The following AFDN variants were observed in gnomAD, a reference collection of about 807,000 sequenced individuals.
AFDN encodes afadin, adherens junction formation factor.
Under a neutral mutation model 216.6 loss-of-function variants are expected in AFDN, and 68 were observed. The ratio of observed to expected loss-of-function variants is 0.31; its 90% CI spans 0.26 to 0.38. AFDN has a LOEUF of 0.38. Ranked by LOEUF, AFDN falls within the 10% of genes least tolerant of loss-of-function variation. The pLI, the probability that AFDN is intolerant of heterozygous loss-of-function variation, is 1.00. For synonymous variants in AFDN, 868 were observed against 853.7 expected (o/e 1.02, Z -0.29); for missense variants, 2,136 against 2,342.0 (o/e 0.91, Z 1.82).
At chr6:167,917,726 C>T (rs1791271481) in intron 20 of AFDN, among the ~76,000 whole-genome samples, 1 of 152,172 alleles carries the variant, frequency 6.6e-6, no homozygotes, top group African/African-American at 2.4e-5. Flanking sequence ...AAATATGAGT[C>T]ATGAGAATTA....
chr6:167,905,327 C>T (rs545829454), intron 12 of AFDN, among the ~76,000 whole-genome samples: 9 of 152,266 alleles, frequency 5.9e-5, no homozygotes, highest in Admixed American at 1.3e-4. Context: ...AAAATGCCTG[C>T]TGTGTAGAAG....
At chr6:167,857,115 A>G (rs1247989022) in intron 1 of AFDN, among the ~76,000 whole-genome samples, 2 of 152,128 alleles carry the variant, frequency 1.3e-5, no homozygotes. Context: ...AAGATGGAAG[A>G]GGAAAGTATC....
chr6:167,931,021 G>A (rs547259021), intron 23 of AFDN, among the ~76,000 whole-genome samples: 1 of 78,922 alleles, frequency 1.3e-5, no homozygotes, highest in South Asian at 5.6e-4. Flanking sequence ...TGGAGATGAC[G>A]AGATGGTTTG....
At chr6:167,925,206 C>A in intron 23 of AFDN, 115 bp downstream of exon 23, 1 of 734,138 alleles carries the variant, frequency 1.4e-6, no homozygotes, top group Non-Finnish European at 2.4e-6. Flanking sequence ...CGTGCCTGTT[C>A]AGTTCTGTTT....
Position 167,836,729 on chromosome 6 carries a change from T to C in AFDN, c.105+9492T>C, listed in dbSNP as rs561745209. Among the ~76,000 whole-genome samples the C allele has an allele frequency of 2.6e-5, 4 of 152,324 alleles. No homozygotes were observed. In the South Asian group the frequency reaches 8.3e-4, roughly 32 times the overall value. On this transcript the variant is annotated intron_variant, in intron 1 of 33. Coordinates refer to ENST00000683244, the MANE Select transcript of AFDN (RefSeq NM_001386888.1). ...CCAATTTAATTGTTATAGATAGCAT[T>C]ACTAAACTATTATGATGGTACACAA... is the stretch of plus-strand genomic sequence containing the variant.
chr6:167,885,180 C>T (rs192559639), intron 6 of AFDN, among the ~76,000 whole-genome samples: 129 of 152,264 alleles, frequency 8.5e-4, no homozygotes, highest in African/African-American at 3.1e-3. Context: ...CTGATTTGGT[C>T]ATCTATCCAG....
rs1166856931 is a variant in AFDN at position 167,864,631 on chromosome 6, C to T, written c.186C>T (p.Val62=). ...ACTTTGCAACAAAATGTATTCGGGTCTCTAGTACTGCCACCACTCAAGATG... is the reference window on the plus strand; with the variant it reads ...ACTTTGCAACAAAATGTATTCGGGTTTCTAGTACTGCCACCACTCAAGATG... ...AGNFATKCIR[V]SSTATTQDVI... Residue 62 remains valine (V), a synonymous_variant, in exon 2 of 34, where the codon GTC becomes GTT. Coordinates refer to ENST00000683244, the MANE Select transcript of AFDN (RefSeq NM_001386888.1). 2 of 1,614,148 alleles carry T rather than the reference C, an allele frequency of 1.2e-6. No homozygotes were observed. Among genetic ancestry groups the T allele is most frequent in the Non-Finnish European group, 1.7e-6 (2 of 1,180,014 alleles).
chr6:167,952,417 A>G, intron 30 of AFDN: 2 of 985,460 alleles, frequency 2.0e-6, no homozygotes, highest in African/African-American at 3.5e-5. Flanking sequence ...ATACAATTCA[A>G]ATGGAACTTG....
In AFDN at chr6:167,922,950, C is replaced by T; in HGVS notation, c.3003C>T (p.Asn1001=). 1 of 1,609,460 alleles carries T rather than the reference C, an allele frequency of 6.2e-7. No homozygotes were observed. Among genetic ancestry groups the T allele is most frequent in the South Asian group, 1.1e-5 (1 of 90,814 alleles). Residue 1001 remains asparagine (N), a synonymous_variant, in exon 22 of 34, where the codon AAC becomes AAT. Transcript: ENST00000683244. ...ADYESHLLRE[N]TELAQPLRKE... ...ATGAAAGTCACCTTCTGCGTGAGAACACAGAGCTGGCAAGTATTTTGAGGG... is the reference window on the plus strand; with the variant it reads ...ATGAAAGTCACCTTCTGCGTGAGAATACAGAGCTGGCAAGTATTTTGAGGG...
intron 33 of AFDN, 48 bp downstream of exon 33, chr6:167,969,246 C>A: frequency 7.3e-7 from 1 of 1,366,864 alleles, no homozygotes; most frequent in Non-Finnish European, 1.0e-6. Context: ...ACCTGATGAG[C>A]CCTTTCACTC....
chr6:167,827,149 G>T lies in AFDN; in HGVS notation c.17G>T (p.Arg6Leu). The T allele has an allele frequency of 7.7e-7, 1 of 1,293,700 alleles. No individual in the cohort carries two copies. The allele number at this position is 1,293,700 out of a possible 1,614,324, so 80.1% of individuals were successfully genotyped here. ...GCCAGGACCATGTCGGCGGGCGGCC[G>T]TGACGAGGAGCGGCGGAAGCTGGCC... The part of the protein sequence containing the change: MSAGG[R>L]DEERRKLADI... The change falls in exon 1 of 34, where the codon CGT (arginine) becomes CTT (leucine). Residue 6 changes from arginine (R) to leucine (L), a missense_variant. By Grantham distance (102) the Arg-to-Leu change is moderately radical (BLOSUM62 -2). Transcript: ENST00000683244.
intron 31 of AFDN, chr6:167,963,104 GTTAT>G (rs1797202251): frequency 9.4e-7 from 1 of 1,067,352 alleles, no homozygotes; most frequent in Non-Finnish European, 1.1e-6. Flanking sequence ...AATATCCTAA[GTTAT>G]TTATTTTCAT....
At chr6:167,862,872 C>T (rs988804060) in intron 1 of AFDN, among the ~76,000 whole-genome samples, 6 of 152,204 alleles carry the variant, frequency 3.9e-5, no homozygotes, top group African/African-American at 1.2e-4. Flanking sequence ...GCACCCAAAA[C>T]TATGGCCCTC....
intron 23 of AFDN, among the ~76,000 whole-genome samples, chr6:167,936,937 T>G (rs1794079841): frequency 6.6e-6 from 1 of 152,260 alleles, no homozygotes. Context: ...TTTGTTTTGC[T>G]AAGATAATTA....
chr6:167,942,542 A>G (rs1436750818), intron 23 of AFDN, among the ~76,000 whole-genome samples: 1 of 152,214 alleles, frequency 6.6e-6, no homozygotes, highest in African/African-American at 2.4e-5. Flanking sequence ...GAAAACAATT[A>G]TATATAGAAC....
Position 167,948,390 on chromosome 6 carries a change from G to C in AFDN, c.3743G>C (p.Arg1248Pro). ...TTCCCAGCTTCCAAATCCCAGGATC[G>C]GATGGCTCCTCCTCAGAACCAGTGG... Reference protein sequence around the residue: ...FTFPASKSQDRMAPPQNQWPN... With the variant: ...FTFPASKSQDPMAPPQNQWPN... The change falls in exon 29 of 34, where the codon CGG becomes CCG. Residue 1248 changes from arginine to proline, a missense_variant. This residue lies in a region of AFDN where 981 missense variants were observed against 966.0 expected (regional missense o/e 1.02). Transcript: ENST00000683244. The C allele has an allele frequency of 6.2e-7, 1 of 1,614,076 alleles. No individual in the cohort carries two copies. The highest frequency in any genetic ancestry group is 8.5e-7 in the Non-Finnish European group (1 of 1,180,030).
At chr6:167,874,824 A>AG (rs1434988339) in intron 4 of AFDN, among the ~76,000 whole-genome samples, 17 of 152,088 alleles carry the variant, frequency 1.1e-4, no homozygotes, top group African/African-American at 4.1e-4. Context: ...CATGTTGGTC[A>AG]GGCCGGTCTC....
At chr6:167,860,159 CTT>C (rs370176215) in intron 1 of AFDN, among the ~76,000 whole-genome samples, 117 of 79,380 alleles carry the variant, frequency 1.5e-3, no homozygotes, top group Admixed American at 2.1e-3. Context: ...TACAGCAATG[CTT>C]TTTTTTTTTT....
chr6:167,968,992 T>C (rs1797819500), intron 32 of AFDN, 122 bp from the exon 33 acceptor site: 1 of 763,864 alleles, frequency 1.3e-6, no homozygotes. Context: ...ATGAGGGGTC[T>C]TTTACCTTCC....
Sources: allele counts gnomAD v4.1 joint callset (sites outside exome capture counted in the v4.1 genomes callset), GRCh38; gene constraint gnomAD v4.1.1; regional missense constraint gnomAD v4.1.1; transcripts MANE v1.5; gene names NCBI Gene and HGNC (gene_info 2026-07-23, HGNC 2026-07-21).